CDK17: variants seen among roughly 807,000 people sequenced by gnomAD.
CDK17 encodes the protein cyclin dependent kinase 17.
CDK17 carries 24 observed loss-of-function variants against 77.6 expected under a neutral mutation model. The observed-to-expected ratio is 0.31, with a 90% CI of 0.22 to 0.44. The LOEUF (loss-of-function observed/expected upper bound fraction) is 0.44, where lower values mean the gene tolerates loss of function less well. Among genes scored for constraint, CDK17 ranks in the 20% least tolerant of loss-of-function variants. The pLI is 1.00. For missense variants in CDK17, 429 were observed against 622.5 expected (o/e 0.69, Z 3.31); for synonymous variants, 203 against 210.4 (o/e 0.96, Z 0.30).
chr12:96,363,683 TA>T (rs1012244105), intron 1 of CDK17, among the ~76,000 whole-genome samples: 2 of 151,436 alleles, frequency 1.3e-5, no homozygotes, highest in African/African-American at 2.4e-5. Context: ...CTGTCTGTAC[TA>T]AAAAAAATAC....
At chr12:96,312,042 G>C (rs901535455) in intron 4 of CDK17, among the ~76,000 whole-genome samples, 1 of 152,140 alleles carries the variant, frequency 6.6e-6, no homozygotes, top group African/African-American at 2.4e-5. Context: ...ATATACTACA[G>C]GTCAGGCGCA....
chr12:96,350,681 A>T (rs1953296598), intron 1 of CDK17, among the ~76,000 whole-genome samples: 1 of 152,232 alleles, frequency 6.6e-6, no homozygotes, highest in African/African-American at 2.4e-5. Flanking sequence ...CAAAAGAGTG[A>T]AACTGGACCA....
chr12:96,388,517 A>G (rs550914335), intron 1 of CDK17, among the ~76,000 whole-genome samples: 1 of 152,348 alleles, frequency 6.6e-6, no homozygotes, highest in African/African-American at 2.4e-5. Context: ...GGAAATATGC[A>G]AAGTTCAAAA....
intron 1 of CDK17, among the ~76,000 whole-genome samples, chr12:96,362,655 T>C (rs1234599980): frequency 6.6e-6 from 1 of 152,238 alleles, no homozygotes; most frequent in Admixed American, 6.5e-5. Context: ...ATACAGTCTC[T>C]GCTAAATACT....
intron 1 of CDK17, among the ~76,000 whole-genome samples, chr12:96,355,398 G>GTTTTT (rs58937020): frequency 6.9e-5 from 5 of 72,452 alleles, no homozygotes; most frequent in Non-Finnish European, 1.2e-4. Context: ...TCTACATTGG[G>GTTTTT]TTTTTTTTTT....
intron 1 of CDK17, among the ~76,000 whole-genome samples, chr12:96,352,408 G>A (rs772335219): frequency 7.9e-5 from 12 of 151,888 alleles, no homozygotes; most frequent in Non-Finnish European, 1.3e-4. Context: ...AAAAAAACAT[G>A]TCCCAGCTGC....
intron 9 of CDK17, among the ~76,000 whole-genome samples, chr12:96,296,364 G>A (rs1227350768): frequency 2.0e-5 from 3 of 152,170 alleles, no homozygotes; most frequent in Non-Finnish European, 4.4e-5. Flanking sequence ...AACCCTGACA[G>A]AATATATATG....
intron 1 of CDK17, among the ~76,000 whole-genome samples, chr12:96,360,611 A>G (rs572466595): frequency 1.3e-5 from 2 of 152,288 alleles, no homozygotes; most frequent in Non-Finnish European, 2.9e-5. Flanking sequence ...CTGTGTTAGG[A>G]ACTAAGGACA....
At chr12:96,313,027 GAA>G (rs970419462) in intron 4 of CDK17, among the ~76,000 whole-genome samples, 46 of 152,164 alleles carry the variant, frequency 3.0e-4, no homozygotes, top group African/African-American at 1.1e-3. Flanking sequence ...CAGAATTTTT[GAA>G]AATTCACTTC....
intron 6 of CDK17, among the ~76,000 whole-genome samples, chr12:96,299,404 T>C (rs1480739282): frequency 4.0e-5 from 6 of 151,748 alleles, no homozygotes; most frequent in African/African-American, 1.2e-4. Flanking sequence ...TTTTTTTTTT[T>C]TTTTGAGATG....
chr12:96,372,634 C>T (rs1412303926), intron 1 of CDK17, among the ~76,000 whole-genome samples: 1 of 151,812 alleles, frequency 6.6e-6, no homozygotes, highest in Non-Finnish European at 1.5e-5. Flanking sequence ...CCTGAATAAT[C>T]AACTGAAAAA....
At chr12:96,333,146 T>TG (rs556296502) in intron 2 of CDK17, among the ~76,000 whole-genome samples, 2,638 of 148,742 alleles carry the variant, frequency 0.018, 51 homozygotes, top group Admixed American at 0.065. Context: ...AAAAATTCAA[T>TG]GGGGGGGGGT....
At chr12:96,368,727 A>G (rs1281874038) in intron 1 of CDK17, among the ~76,000 whole-genome samples, 1 of 149,380 alleles carries the variant, frequency 6.7e-6, no homozygotes, top group African/African-American at 2.5e-5. Flanking sequence ...ATGAAACCAT[A>G]ATACTGGCTC....
Position 96,280,344 on chromosome 12 carries a change from G to A in CDK17, c.1535-65C>T, listed in dbSNP as rs1952159426. The A allele has an allele frequency of 1.4e-5, 22 of 1,536,966 alleles. No individual in the cohort carries two copies. In the South Asian group the frequency reaches 2.6e-4, roughly 18 times the overall value. Reference sequence around the variant, plus strand: ...AGTTTTATCCCACATACAGTTATTTGGTGACTAGGAAGCTAATGTTCCCAC... The same window carrying A: ...AGTTTTATCCCACATACAGTTATTTAGTGACTAGGAAGCTAATGTTCCCAC... On this transcript the variant is annotated intron_variant, in intron 16 of 16. Transcript: ENST00000261211.
chr12:96,352,453 G>C (rs1953326352), intron 1 of CDK17, among the ~76,000 whole-genome samples: 1 of 152,080 alleles, frequency 6.6e-6, no homozygotes, highest in Non-Finnish European at 1.5e-5. Context: ...GAAACAGAGA[G>C]GGATCTCCCA....
intron 11 of CDK17, 29 bp downstream of exon 11, chr12:96,289,138 A>T (rs766016499): frequency 6.2e-7 from 1 of 1,610,200 alleles, no homozygotes; most frequent in South Asian, 1.1e-5. Flanking sequence ...TCAAAATTAT[A>T]AATGTCAGTG....
chr12:96,389,789 T>C (rs1464822187), intron 1 of CDK17, among the ~76,000 whole-genome samples: 1 of 151,950 alleles, frequency 6.6e-6, no homozygotes, highest in Non-Finnish European at 1.5e-5. Context: ...TTATTACTTA[T>C]AACACACCTA....
In CDK17 at chr12:96,280,874, A is replaced by G; in HGVS notation, c.1468T>C (p.Phe490Leu). ...TGCAACTGAATCTCTTTCAAACTGA[A>G]TATTGATACACCTAAAATGCATAGA... ...IHALPESVSI[F>L]SLKEIQLQKD... Residue 490 changes from phenylalanine to leucine, a missense_variant, in exon 16 of 17, where the codon TTC becomes CTC. Phe to Leu is a conservative substitution (Grantham distance 22, BLOSUM62 0). Transcript: ENST00000261211. 8 of 1,613,378 alleles carry G rather than the reference A, an allele frequency of 5.0e-6. No individual in the cohort carries two copies. Among genetic ancestry groups the G allele is most frequent in the East Asian group, 2.2e-5 (1 of 44,854 alleles).
intron 1 of CDK17, among the ~76,000 whole-genome samples, chr12:96,361,667 C>T (rs897234270): frequency 6.6e-6 from 1 of 152,030 alleles, no homozygotes; most frequent in African/African-American, 2.4e-5. Flanking sequence ...TTTTAATACA[C>T]CAAACTTTGA....
Sources: allele counts gnomAD v4.1 joint callset (sites outside exome capture counted in the v4.1 genomes callset), GRCh38; gene constraint gnomAD v4.1.1; transcripts MANE v1.5; gene names NCBI Gene and HGNC (gene_info 2026-07-23, HGNC 2026-07-21).